The following TMEM26 variants were observed in gnomAD, a reference collection of about 807,000 sequenced individuals.
TMEM26 encodes the protein transmembrane protein 26.
In TMEM26, 38 loss-of-function variants were observed where a neutral mutation model predicts 28.8. The observed-to-expected ratio is 1.32, with a 90% CI of 1.02 to 1.73. The LOEUF (loss-of-function observed/expected upper bound fraction) is 1.73. TMEM26 is among the 40% of genes most tolerant of loss of function. TMEM26 has a pLI of 0.00. For missense variants in TMEM26, 518 were observed against 447.1 expected, an observed-to-expected ratio of 1.16 and a Z score of -1.43; for synonymous variants, 227 against 182.9, an observed-to-expected ratio of 1.24 and a Z score of -1.95.
intron 1 of TMEM26, among the ~76,000 whole-genome samples, chr10:61,439,321 C>A (rs1840055945): frequency 6.6e-6 from 1 of 152,162 alleles, no homozygotes; most frequent in African/African-American, 2.4e-5. Context: ...CTTATATATT[C>A]CTTATATCTC....
chr10:61,429,147 CTGTT>C lies in TMEM26; in HGVS notation c.385-5_385-2del. On this transcript the variant is annotated splice_acceptor_variant and splice_polypyrimidine_tract_variant and intron_variant, in intron 3 of 5. Transcript: ENST00000399298. LOFTEE classifies it high-confidence loss of function. ...ATAAGTTATTCACAAAAACTTTGGC[CTGTT>C]TAACAGAAATGTCATACAGACAGGA... The C allele has an allele frequency of 2.5e-6, 4 of 1,611,698 alleles. No homozygotes were observed. Among genetic ancestry groups the C allele is most frequent in the Non-Finnish European group, 3.4e-6 (4 of 1,178,860 alleles).
intron 1 of TMEM26, among the ~76,000 whole-genome samples, chr10:61,438,370 T>C (rs537634243): frequency 1.3e-5 from 2 of 152,282 alleles, no homozygotes; most frequent in East Asian, 3.9e-4. Context: ...CTTGTGAAAC[T>C]GGGAAAGAAA....
At chr10:61,429,214 C>A in intron 3 of TMEM26, 68 bp from the exon 4 acceptor site, 1 of 1,335,792 alleles carries the variant, frequency 7.5e-7, no homozygotes, top group Non-Finnish European at 1.1e-6. Flanking sequence ...ATTTTCCTCA[C>A]TGTGCTTTCA....
At chr10:61,435,619 C>G (rs919066746) in intron 2 of TMEM26, among the ~76,000 whole-genome samples, 7 of 152,190 alleles carry the variant, frequency 4.6e-5, no homozygotes, top group Non-Finnish European at 8.8e-5. Flanking sequence ...ACTAAGGCAG[C>G]CCGTGGGACT....
At chr10:61,438,494 C>T (rs150480210) in intron 1 of TMEM26, among the ~76,000 whole-genome samples, 1 of 152,058 alleles carries the variant, frequency 6.6e-6, no homozygotes, top group Non-Finnish European at 1.5e-5. Context: ...TGAGACTAAC[C>T]CCTCCCTAAC....
At chr10:61,436,625 T>G (rs913432831) in intron 1 of TMEM26, among the ~76,000 whole-genome samples, 3 of 152,190 alleles carry the variant, frequency 2.0e-5, no homozygotes, top group Non-Finnish European at 4.4e-5. Context: ...AATCTTGAAT[T>G]TATTAGACAT....
chr10:61,410,738 C>A lies in TMEM26; in HGVS notation c.691G>T (p.Val231Phe), dbSNP rs780681021. 1.9e-6 allele frequency: 3 copies of A among 1,613,638 alleles called. No homozygotes were observed. The highest frequency in any genetic ancestry group is 1.7e-5 in the Admixed American group (1 of 59,984). The change falls in exon 6 of 6, where the codon GTT becomes TTT. Residue 231 changes from valine (V) to phenylalanine (F), a missense_variant. By Grantham distance (50) the Val-to-Phe change is conservative. Transcript: ENST00000399298. ...QFPLDLAVQN[V>F]VCPVSVTERG... The stretch of plus-strand genomic sequence containing the variant: ...TCTGTCACAGACACAGGGCACACAA[C>A]GTTCTGTACTGAAAACACAAGACAG...
At chr10:61,443,295 C>T (rs1223257670) in intron 1 of TMEM26, among the ~76,000 whole-genome samples, 1 of 135,230 alleles carries the variant, frequency 7.4e-6, no homozygotes, top group Admixed American at 7.1e-5. Flanking sequence ...ACTAAAAATA[C>T]CAAAAAAAAA....
At chr10:61,414,585 A>C (rs1157426674) in intron 4 of TMEM26, 1 of 152,070 alleles carries the variant, frequency 6.6e-6, no homozygotes, top group East Asian at 1.9e-4. Context: ...GGTGGAGACA[A>C]GGTTGGTGAT....
chr10:61,414,981 A>G, intron 4 of TMEM26: 1 of 984,928 alleles, frequency 1.0e-6, no homozygotes, highest in Non-Finnish European at 1.2e-6. Context: ...CCACAGGGGG[A>G]CTCTCCAATG....
chr10:61,446,013 A>AG (rs1327156435), intron 1 of TMEM26, among the ~76,000 whole-genome samples: 1 of 152,108 alleles, frequency 6.6e-6, no homozygotes, highest in Admixed American at 6.6e-5. Context: ...AAGTGAAAAA[A>AG]AATATATCAG....
intron 4 of TMEM26, among the ~76,000 whole-genome samples, chr10:61,421,129 T>A (rs917561146): frequency 5.3e-5 from 8 of 151,978 alleles, no homozygotes; most frequent in Non-Finnish European, 8.8e-5. Flanking sequence ...ATTAAGTTAG[T>A]TTTACCCTAT....
chr10:61,415,230 T>C (rs1785047539), intron 4 of TMEM26: 1 of 853,882 alleles, frequency 1.2e-6, no homozygotes, highest in Non-Finnish European at 1.4e-6. Flanking sequence ...TCAAAGATTT[T>C]CCCTAATTGT....
At chr10:61,419,033 G>A (rs889595992) in intron 4 of TMEM26, among the ~76,000 whole-genome samples, 1 of 152,056 alleles carries the variant, frequency 6.6e-6, no homozygotes, top group Non-Finnish European at 1.5e-5. Context: ...CATAGCCATA[G>A]GTGTGACCAC....
intron 4 of TMEM26, among the ~76,000 whole-genome samples, chr10:61,423,277 G>C (rs1204058766): frequency 6.6e-6 from 1 of 152,056 alleles, no homozygotes; most frequent in East Asian, 1.9e-4. Flanking sequence ...ATTTAAAGAA[G>C]AAATAAGACC....
intron 4 of TMEM26, among the ~76,000 whole-genome samples, chr10:61,419,727 G>A (rs1305249475): frequency 6.6e-6 from 1 of 151,908 alleles, no homozygotes; most frequent in Non-Finnish European, 1.5e-5. Context: ...TTTAACAGAA[G>A]ACCCAGAAGA....
rs1839538371 is a variant in TMEM26, at chr10:61,409,617, T to A, written c.*705A>T. On this transcript the variant is annotated 3_prime_UTR_variant, in exon 6 of 6. Transcript: ENST00000399298. The stretch of plus-strand genomic sequence containing the variant: ...GACTTTGCTAGCATTTCACCAATAT[T>A]TCCTGCCTTGCAACCAGTAGATATG... 1 of 152,246 alleles carries A rather than the reference T, an allele frequency of 6.6e-6. No homozygotes were observed. The highest frequency in any genetic ancestry group is 2.4e-5 in the African/African-American group (1 of 41,446). The allele number at this position is 152,246 out of a possible 1,614,324, so 9.4% of individuals were successfully genotyped here.
chr10:61,418,354 G>C (rs1318709173), intron 4 of TMEM26, among the ~76,000 whole-genome samples: 3 of 151,942 alleles, frequency 2.0e-5, no homozygotes, highest in Non-Finnish European at 2.9e-5. Flanking sequence ...CTTTCTTTAA[G>C]ACTGCATTTT....
Position 61,428,819 on chromosome 10 carries a change from A to G in TMEM26, c.605+107T>C, listed in dbSNP as rs10994759. The G allele has an allele frequency of 3.2e-3, 3,041 of 945,720 alleles. 39 individuals carry two copies. Among genetic ancestry groups the G allele is most frequent in the East Asian group, 0.025 (962 of 38,240 alleles). The allele number at this position is 945,720 out of a possible 1,614,324, so 58.6% of individuals were successfully genotyped here. A position where few individuals can be genotyped will look rare whatever the true frequency, so the allele number is the denominator to read the frequency against. On this transcript the variant is annotated intron_variant, in intron 4 of 5. Transcript: ENST00000399298. Reference sequence around the variant, plus strand: ...CTCTGATCCTAACGTTGCATATAAAATATACTAAAAATTCTTATTCATGTG... The same window carrying G: ...CTCTGATCCTAACGTTGCATATAAAGTATACTAAAAATTCTTATTCATGTG...
Sources: gnomAD v4.1 joint callset for allele counts (sites outside exome capture counted in the v4.1 genomes callset) on GRCh38, gnomAD v4.1.1 for gene constraint, MANE v1.5 for transcripts, NCBI Gene and HGNC (gene_info 2026-07-23, HGNC 2026-07-21) for gene names.